The following DPH6 variants were observed in gnomAD, a reference collection of about 807,000 sequenced individuals.
DPH6 encodes the protein diphthamine biosynthesis 6.
DPH6 carries 33 observed loss-of-function variants against 38.2 expected under a neutral mutation model. That is an observed-to-expected ratio of 0.86 (90% CI 0.65 to 1.15). The LOEUF is 1.15. Ranked by LOEUF, DPH6 falls within the 50% of genes most tolerant of loss-of-function variation. The probability of loss-of-function intolerance (pLI) is 0.00; values close to 1 mark genes in which losing one functional copy is unlikely to be tolerated. For missense variants in DPH6, 325 were observed against 320.0 expected (o/e 1.02, Z -0.12); for synonymous variants, 108 against 103.0 (o/e 1.05, Z -0.30).
chr15:35,530,276 T>C lies in DPH6; in HGVS notation c.312+7998A>G, dbSNP rs1433849495. Among the ~76,000 whole-genome samples the C allele has an allele frequency of 2.0e-5, 3 of 152,152 alleles. No individual in the cohort carries two copies. The East Asian group carries it at 5.8e-4, about 29-fold the overall frequency. ...CCAGAAGGAGACATCTACAAAAGGT[T>C]TCTTTAAAAATAAATGGTAGCATAG... On this transcript the variant is annotated intron_variant, in intron 3 of 8. Coordinates refer to ENST00000256538, the MANE Select transcript of DPH6 (RefSeq NM_080650.4).
rs142046512 is a variant in DPH6 at position 35,522,603 on chromosome 15, G to A, written c.312+15671C>T. On this transcript the variant is annotated intron_variant, in intron 3 of 8. Coordinates refer to ENST00000256538, the MANE Select transcript of DPH6 (RefSeq NM_080650.4). ...CTCATGAACCTTCAAAAAGGACCTG[G>A]GGAATGGCTGACATCCTGTTGATTT... Among the ~76,000 whole-genome samples, 50 of 152,114 alleles carry A rather than the reference G, an allele frequency of 3.3e-4. 1 individual carries two copies. The highest frequency in any genetic ancestry group is 1.1e-3 in the African/African-American group (45 of 41,512).
chr15:35,244,804 A>G (rs1372388666), intron 3 of DPH6, among the ~76,000 whole-genome samples: 1 of 152,208 alleles, frequency 6.6e-6, no homozygotes, highest in Non-Finnish European at 1.5e-5. Flanking sequence ...TGAACTGGGG[A>G]TAAGGAGACA....
the DPH6 span, among the ~76,000 whole-genome samples, chr15:35,198,420 T>C: frequency 6.6e-6 from 1 of 152,224 alleles, no homozygotes; most frequent in Admixed American, 6.5e-5. Flanking sequence ...ATATGCTTTC[T>C]GGAAAAAATA....
intron 3 of DPH6, among the ~76,000 whole-genome samples, chr15:35,234,581 C>A (rs1285635258): frequency 6.6e-6 from 1 of 152,190 alleles, no homozygotes; most frequent in Non-Finnish European, 1.5e-5. Context: ...TTAATATTAA[C>A]AACACCCAAA....
At chr15:35,279,139 G>T (rs1238589805) in intron 3 of DPH6, among the ~76,000 whole-genome samples, 2 of 150,990 alleles carry the variant, frequency 1.3e-5, no homozygotes, top group African/African-American at 4.9e-5. Context: ...GACTTGTGTG[G>T]GGCCTATTGC....
chr15:35,492,511 A>G (rs2054498159), intron 3 of DPH6, among the ~76,000 whole-genome samples: 1 of 152,186 alleles, frequency 6.6e-6, no homozygotes, highest in Non-Finnish European at 1.5e-5. Context: ...ATAATAATCT[A>G]TAGTAATAAG....
At chr15:35,166,402 G>A in the DPH6 span, among the ~76,000 whole-genome samples, 46 of 151,968 alleles carry the variant, frequency 3.0e-4, no homozygotes, top group African/African-American at 1.1e-3. Context: ...ACTTCCTTAT[G>A]AAGGCTCCTG....
At chr15:35,414,776 G>T (rs183757337) in intron 5 of DPH6, among the ~76,000 whole-genome samples, 2 of 149,660 alleles carry the variant, frequency 1.3e-5, no homozygotes, top group Admixed American at 6.7e-5. Flanking sequence ...GACGTGACTA[G>T]CATTTATTCT....
chr15:35,525,361 C>A (rs914103789), intron 3 of DPH6, among the ~76,000 whole-genome samples: 5 of 152,068 alleles, frequency 3.3e-5, no homozygotes, highest in African/African-American at 1.2e-4. Flanking sequence ...ATGCTTTATA[C>A]TCCCTTCTCT....
Position 35,382,047 on chromosome 15 carries a change from T to G in DPH6, c.568-131A>C, listed in dbSNP as rs2052874630. 5 of 666,348 alleles carry G rather than the reference T, an allele frequency of 7.5e-6. No individual in the cohort carries two copies. The South Asian group carries it at 8.1e-5, about 11-fold the overall frequency. 41.3% of individuals were successfully genotyped at this position (666,348 alleles called of 1,614,324 possible). On this transcript the variant is annotated intron_variant, in intron 6 of 8. Coordinates refer to ENST00000256538, the MANE Select transcript of DPH6 (RefSeq NM_080650.4). ...AAATAGTTTGCAAGGTAAGGAAAAT[T>G]AATTATATTTCTGCTTAAAACCTGT... is the stretch of plus-strand genomic sequence containing the variant.
At chr15:35,261,580 C>T (rs1473939861) in intron 3 of DPH6, among the ~76,000 whole-genome samples, 1 of 152,018 alleles carries the variant, frequency 6.6e-6, no homozygotes, top group Non-Finnish European at 1.5e-5. Context: ...TGCCTGTAAT[C>T]CCAACACTTT....
chr15:35,415,674 T>C (rs112204159), intron 5 of DPH6, among the ~76,000 whole-genome samples: 68 of 152,148 alleles, frequency 4.5e-4, no homozygotes, highest in African/African-American at 4.1e-4. Context: ...CACACAGGTA[T>C]ACCTTGGTAA....
In DPH6 at chr15:35,538,346, A is replaced by C. The variant is rs2055202929; in HGVS notation, c.240T>G (p.Asp80Glu). 2 of 1,611,640 alleles carry C rather than the reference A, an allele frequency of 1.2e-6. No individual in the cohort carries two copies. Among genetic ancestry groups the C allele is most frequent in the Non-Finnish European group, 1.7e-6 (2 of 1,178,166 alleles). The change falls in exon 3 of 9, where the codon GAT becomes GAG. Residue 80 changes from aspartate to glutamate, a missense_variant. By Grantham distance (45) the Asp-to-Glu change is conservative (BLOSUM62 2). Coordinates refer to ENST00000256538, the MANE Select transcript of DPH6 (RefSeq NM_080650.4). ...YRRTIRGRSL[D>E]TRQVYTKCEG... ...CACATTTGGTGTACACTTGTCTTGTATCCAAGCTCCTTCCTCTTATGGTTC... is the reference window on the plus strand; with the variant it reads ...CACATTTGGTGTACACTTGTCTTGTCTCCAAGCTCCTTCCTCTTATGGTTC...
chr15:35,292,891 A>G (rs1359399010), intron 3 of DPH6, among the ~76,000 whole-genome samples: 3 of 152,158 alleles, frequency 2.0e-5, no homozygotes, highest in Non-Finnish European at 4.4e-5. Context: ...AACATTTTAA[A>G]GGTATTATTT....
chr15:35,546,099 C>T lies in DPH6; in HGVS notation c.23+20G>A, dbSNP rs1158822036. 6 of 1,383,278 alleles carry T rather than the reference C, an allele frequency of 4.3e-6. No individual in the cohort carries two copies. Among genetic ancestry groups the T allele is most frequent in the African/African-American group, 1.5e-5 (1 of 67,326 alleles). 85.7% of individuals were successfully genotyped at this position (1,383,278 alleles called of 1,614,324 possible). On this transcript the variant is annotated intron_variant, in intron 1 of 8. Transcript: ENST00000256538. ...AGAGCCTGGCCTAGGAGGAAGGAGG[C>T]GGCTCCAGGACCGCATTACCTGATC...
chr15:35,503,719 C>T (rs951936255), intron 3 of DPH6, among the ~76,000 whole-genome samples: 1 of 152,098 alleles, frequency 6.6e-6, no homozygotes, highest in African/African-American at 2.4e-5. Flanking sequence ...AAATGTCTCT[C>T]ATCTTGAAAC....
chr15:35,200,532 T>G, the DPH6 span, among the ~76,000 whole-genome samples: 1 of 152,106 alleles, frequency 6.6e-6, no homozygotes, highest in Non-Finnish European at 1.5e-5. Context: ...ATTAGTTATT[T>G]CTTTAGTCAA....
At chr15:35,492,860 C>T (rs2054502924) in intron 3 of DPH6, among the ~76,000 whole-genome samples, 1 of 151,940 alleles carries the variant, frequency 6.6e-6, no homozygotes, top group South Asian at 2.1e-4. Context: ...AGAGTCTGGG[C>T]TTGTAACTGC....
rs1276631729 is a variant in DPH6, at chr15:35,352,940, C to T, written n.207+20581G>A. Among the ~76,000 whole-genome samples, 6 of 152,292 alleles carry T rather than the reference C, an allele frequency of 3.9e-5. No individual in the cohort carries two copies. The East Asian group carries it at 1.2e-3, about 29-fold the overall frequency. On this transcript the variant is annotated intron_variant and non_coding_transcript_variant, in intron 3 of 3. Transcript: ENST00000558973. ...TATTTCTCCACATCCTCTCCAGCAC[C>T]TGTTGTTTCCTGACTTTTCAATGAT...
Sources: allele counts gnomAD v4.1 joint callset (sites outside exome capture counted in the v4.1 genomes callset), GRCh38; gene constraint gnomAD v4.1.1; transcripts MANE v1.5; gene names NCBI Gene and HGNC (gene_info 2026-07-23, HGNC 2026-07-21).